Variants in USP13 observed in about 807,000 individuals in gnomAD.
USP13 encodes the protein ubiquitin carboxyl-terminal hydrolase 13.
A neutral mutation model predicts 107.8 loss-of-function variants in USP13; 68 were observed. The ratio of observed to expected loss-of-function variants is 0.63; its 90% confidence interval spans 0.52 to 0.77. The LOEUF (loss-of-function observed/expected upper bound fraction) is 0.77. Among genes scored for constraint, USP13 ranks in the 30% least tolerant of loss-of-function variants. The pLI is 0.00. For missense variants in USP13, 945 were observed against 1,093.3 expected, an observed-to-expected ratio of 0.86 and a Z score of 1.91; for synonymous variants, 377 against 389.5, an observed-to-expected ratio of 0.97 and a Z score of 0.38.
intron 1 of USP13, among the ~76,000 whole-genome samples, chr3:179,658,643 G>A (rs1365730516): frequency 1.3e-5 from 2 of 152,172 alleles, no homozygotes; most frequent in Non-Finnish European, 2.9e-5. Flanking sequence ...TTCCACAGTG[G>A]GCAGCTAGAG....
rs1553797370 is a variant in USP13 at position 179,750,326 on chromosome 3, G to GTGTATA, written c.1710-1958_1710-1957insGTATAT. 5.8e-3 allele frequency among the ~76,000 whole-genome samples: 438 copies of GTGTATA among 75,844 alleles called. 5 individuals carry two copies. Among genetic ancestry groups the GTGTATA allele is most frequent in the African/African-American group, 0.016 (424 of 25,730 alleles). 49.8% of individuals were successfully genotyped at this position (75,844 alleles called of 152,430 possible). ...TGTGTATATATATATATATATGTGTGTATATATATATATATATATGTATAT... is the reference window on the plus strand; with the variant it reads ...TGTGTATATATATATATATATGTGTGTGTATATATATATATATATATATATGTATAT... On this transcript the variant is annotated intron_variant, in intron 13 of 20. Transcript: ENST00000263966.
chr3:179,694,809 A>G lies in USP13; in HGVS notation c.355+4508A>G, dbSNP rs867164428. Among the ~76,000 whole-genome samples the G allele has an allele frequency of 5.8e-3, 870 of 151,278 alleles. 17 individuals carry two copies. In the Middle Eastern group the frequency reaches 0.099, roughly 17 times the overall value. ...AGTGAAACTCCATCTCAAAAAAAAA[A>G]AAAAAAAAAAAAAAGAAACAAAGAA... On this transcript the variant is annotated intron_variant, in intron 3 of 20. Coordinates refer to ENST00000263966, the MANE Select transcript of USP13 (RefSeq NM_003940.3).
chr3:179,738,510 G>A (rs1327878510), intron 10 of USP13, among the ~76,000 whole-genome samples: 1 of 152,178 alleles, frequency 6.6e-6, no homozygotes, highest in African/African-American at 2.4e-5. Context: ...TCAGCTTCCC[G>A]AGTGAAGATA....
intron 19 of USP13, among the ~76,000 whole-genome samples, chr3:179,776,043 C>T (rs1267840052): frequency 2.0e-5 from 3 of 152,200 alleles, no homozygotes; most frequent in Non-Finnish European, 2.9e-5. Context: ...CACCTCTCAC[C>T]ACCAGGTCCC....
chr3:179,689,171 ATGG>A (rs1313833900), intron 2 of USP13, among the ~76,000 whole-genome samples: 2 of 152,214 alleles, frequency 1.3e-5, no homozygotes, highest in Non-Finnish European at 2.9e-5. Flanking sequence ...AAACCCACAC[ATGG>A]TGGTCTGCTG....
At chr3:179,772,135 T>C (rs1013009414) in intron 19 of USP13, among the ~76,000 whole-genome samples, 1 of 152,236 alleles carries the variant, frequency 6.6e-6, no homozygotes, top group Admixed American at 6.5e-5. Context: ...CATTTTGTAT[T>C]GGAATGGAGA....
At chr3:179,782,168 G>A (rs1310266117) in intron 20 of USP13, among the ~76,000 whole-genome samples, 1 of 152,086 alleles carries the variant, frequency 6.6e-6, no homozygotes, top group Non-Finnish European at 1.5e-5. Context: ...AAGGAAACAA[G>A]ACAGGAAAAA....
intron 13 of USP13, among the ~76,000 whole-genome samples, chr3:179,749,072 C>A (rs79932640): frequency 0.015 from 2,296 of 151,854 alleles, 42 homozygotes; most frequent in Middle Eastern, 0.062. Flanking sequence ...ATATTTTCAA[C>A]CAGTAGACAG....
chr3:179,659,177 T>A (rs1247549484), intron 1 of USP13, among the ~76,000 whole-genome samples: 2 of 152,150 alleles, frequency 1.3e-5, no homozygotes, highest in Non-Finnish European at 2.9e-5. Context: ...ACAGGGGCCA[T>A]CAGGTGGGAG....
chr3:179,706,068 T>C (rs1169890984), intron 4 of USP13, among the ~76,000 whole-genome samples: 1 of 152,022 alleles, frequency 6.6e-6, no homozygotes, highest in Non-Finnish European at 1.5e-5. Context: ...AACAGTTGTG[T>C]ACAGGTTTTT....
In USP13 at chr3:179,697,293, A is replaced by G. The variant is rs1354324888; in HGVS notation, c.356-3715A>G. 2.0e-5 allele frequency among the ~76,000 whole-genome samples: 3 copies of G among 152,198 alleles called. No homozygotes were observed. In the South Asian group the frequency reaches 6.2e-4, roughly 32 times the overall value. ...TTGCTATTTCTTTCTGAAGTGGGTA[A>G]AATAATATGTTCTTTTGAAGGTAAA... On this transcript the variant is annotated intron_variant, in intron 3 of 20. Coordinates refer to ENST00000263966, the MANE Select transcript of USP13 (RefSeq NM_003940.3).
chr3:179,718,857 C>T (rs1354863759), intron 6 of USP13, among the ~76,000 whole-genome samples: 1 of 151,948 alleles, frequency 6.6e-6, no homozygotes, highest in Non-Finnish European at 1.5e-5. Flanking sequence ...CCTGGGTTCA[C>T]GCCATTCTCC....
At chr3:179,695,174 G>C (rs1437277032) in intron 3 of USP13, among the ~76,000 whole-genome samples, 2 of 152,176 alleles carry the variant, frequency 1.3e-5, no homozygotes, top group Non-Finnish European at 1.5e-5. Context: ...TTATTTTTTG[G>C]CTAGGAAGTA....
chr3:179,739,603 G>T (rs1203440116), intron 10 of USP13, among the ~76,000 whole-genome samples: 2 of 152,090 alleles, frequency 1.3e-5, no homozygotes, highest in African/African-American at 4.8e-5. Context: ...TGTCGCCCAG[G>T]CTGGAGTGCA....
At chr3:179,682,641 A>C (rs1367903988) in intron 2 of USP13, among the ~76,000 whole-genome samples, 2 of 152,170 alleles carry the variant, frequency 1.3e-5, no homozygotes, top group African/African-American at 4.8e-5. Flanking sequence ...GTCGAGATAC[A>C]TCTGGATGTA....
At chr3:179,658,099 T>G (rs1471132627) in intron 1 of USP13, among the ~76,000 whole-genome samples, 1 of 152,102 alleles carries the variant, frequency 6.6e-6, no homozygotes, top group Non-Finnish European at 1.5e-5. Context: ...GGATTACAGG[T>G]GCCCACCACC....
chr3:179,684,394 T>A (rs9825361), intron 2 of USP13, among the ~76,000 whole-genome samples: 140,210 of 152,006 alleles, frequency 0.92, 64,744 homozygotes, highest in African/African-American at 0.96. Flanking sequence ...CATTGTAGCC[T>A]CAACCTCCTG....
chr3:179,684,024 G>A (rs557893817), intron 2 of USP13, among the ~76,000 whole-genome samples: 11 of 145,390 alleles, frequency 7.6e-5, no homozygotes, highest in African/African-American at 1.5e-4. Context: ...GCAGTGGCGC[G>A]ATCTTGGCTC....
At chr3:179,709,837 T>G (rs1005095255) in intron 6 of USP13, among the ~76,000 whole-genome samples, 1 of 152,210 alleles carries the variant, frequency 6.6e-6, no homozygotes, top group South Asian at 2.1e-4. Flanking sequence ...AGGGGAAATA[T>G]AAAAACATGT....
Sources: gnomAD v4.1 joint callset for allele counts (sites outside exome capture counted in the v4.1 genomes callset) on GRCh38, gnomAD v4.1.1 for gene constraint, MANE v1.5 for transcripts, NCBI Gene and HGNC (gene_info 2026-07-23, HGNC 2026-07-21) for gene names.